The following MNAT1 variants were observed in gnomAD, a reference collection of about 807,000 sequenced individuals.
The protein encoded by MNAT1 is CDK-activating kinase assembly factor MAT1.
MNAT1 carries 43 observed loss-of-function variants against 42.0 expected under a neutral mutation model. The observed-to-expected ratio is 1.02, with a 90% CI of 0.80 to 1.32. The LOEUF is 1.32. Ranked by LOEUF, MNAT1 falls within the 40% of genes most tolerant of loss-of-function variation. MNAT1 has a pLI of 0.00. For synonymous variants in MNAT1, 118 were observed against 120.0 expected (o/e 0.98, Z 0.11); for missense variants, 306 against 350.4 (o/e 0.87, Z 1.01).
chr14:60,875,904 G>T (rs2139457349), intron 6 of MNAT1, among the ~76,000 whole-genome samples: 1 of 152,156 alleles, frequency 6.6e-6, no homozygotes. Flanking sequence ...TCTGGACCTT[G>T]CTGTCTAATT....
intron 6 of MNAT1, among the ~76,000 whole-genome samples, chr14:60,845,114 G>A (rs1232007545): frequency 1.3e-5 from 2 of 151,870 alleles, no homozygotes; most frequent in East Asian, 1.9e-4. Context: ...AGTAATGCTA[G>A]CAATGGTTTT....
intron 1 of MNAT1, among the ~76,000 whole-genome samples, chr14:60,755,152 C>T (rs1316754432): frequency 6.6e-6 from 1 of 151,926 alleles, no homozygotes; most frequent in Non-Finnish European, 1.5e-5. Context: ...GTGTGTGCCA[C>T]CATGCCTACC....
chr14:60,895,501 T>C (rs2034935124), intron 7 of MNAT1, among the ~76,000 whole-genome samples: 1 of 152,210 alleles, frequency 6.6e-6, no homozygotes, highest in African/African-American at 2.4e-5. Flanking sequence ...TTTACAATGG[T>C]CTTTCCCCCA....
Position 60,855,902 on chromosome 14 carries a change from G to A in MNAT1, c.688-23812G>A, listed in dbSNP as rs570637863. Among the ~76,000 whole-genome samples the A allele has an allele frequency of 3.3e-5, 5 of 152,236 alleles. No homozygotes were observed. The South Asian group carries it at 8.3e-4, about 25-fold the overall frequency. On this transcript the variant is annotated intron_variant, in intron 6 of 7. Transcript: ENST00000261245. ...AGGAAACTTAATCGATAAATGTTGC[G>A]TGTGTTCTACTCCACCAATTGCCCC...
chr14:60,947,361 A>G (rs2036298612), intron 7 of MNAT1, among the ~76,000 whole-genome samples: 1 of 152,114 alleles, frequency 6.6e-6, no homozygotes, highest in African/African-American at 2.4e-5. Context: ...TCAGAACCCA[A>G]GGGCTCTGAG....
chr14:60,827,037 TG>T (rs2033076501), intron 6 of MNAT1, among the ~76,000 whole-genome samples: 1 of 152,208 alleles, frequency 6.6e-6, no homozygotes, highest in Non-Finnish European at 1.5e-5. Flanking sequence ...CATTCTATTT[TG>T]CTTGTTTGCA....
At chr14:60,867,807 G>C (rs996252786) in intron 6 of MNAT1, among the ~76,000 whole-genome samples, 2 of 152,208 alleles carry the variant, frequency 1.3e-5, no homozygotes, top group East Asian at 1.9e-4. Context: ...CTAGTTTAGA[G>C]ACAGTGCCAG....
chr14:60,813,777 T>C (rs916089928), intron 5 of MNAT1, among the ~76,000 whole-genome samples: 2 of 152,218 alleles, frequency 1.3e-5, no homozygotes, highest in Non-Finnish European at 2.9e-5. Context: ...ATTTTCATAT[T>C]GTAGTTTGTC....
chr14:60,873,415 T>C (rs2034371299), intron 6 of MNAT1, among the ~76,000 whole-genome samples: 3 of 152,150 alleles, frequency 2.0e-5, no homozygotes, highest in African/African-American at 7.2e-5. Flanking sequence ...AATAATTTCA[T>C]CACCTAGGGA....
Position 60,879,804 on chromosome 14 carries a change from G to C in MNAT1, c.778G>C (p.Val260Leu). The C allele has an allele frequency of 1.9e-6, 3 of 1,613,148 alleles. No homozygotes were observed. In the Middle Eastern group the frequency reaches 5.0e-4, roughly 267 times the overall value. Residue 260 changes from valine to leucine, a missense_variant, in exon 7 of 8, where the codon GTT becomes CTT. Physicochemically the swap from Val to Leu is conservative, Grantham distance 32. Around this residue, in one of 3 missense-constraint regions of MNAT1, gnomAD observed 116 missense variants for 139.6 expected, o/e 0.83. Coordinates refer to ENST00000261245, the MANE Select transcript of MNAT1 (RefSeq NM_002431.4). ...GCAGATAGAGACATATGGACCACAT[G>C]TTCCTGAGCTTGAGATGCTAGGAAG... ...PLQIETYGPH[V>L]PELEMLGRLG...
chr14:60,805,072 A>G (rs1036691070), intron 3 of MNAT1, among the ~76,000 whole-genome samples: 11 of 152,162 alleles, frequency 7.2e-5, no homozygotes, highest in African/African-American at 2.2e-4. Flanking sequence ...CTCCTTTGCC[A>G]TGTTCAAATC....
chr14:60,887,395 C>G (rs1476770947), intron 7 of MNAT1, among the ~76,000 whole-genome samples: 1 of 117,170 alleles, frequency 8.5e-6, no homozygotes, highest in Non-Finnish European at 1.7e-5. Context: ...CCCCCTCCCC[C>G]CACCCCACAA....
intron 7 of MNAT1, among the ~76,000 whole-genome samples, chr14:60,900,174 A>G (rs2035045590): frequency 6.6e-6 from 1 of 151,994 alleles, no homozygotes; most frequent in African/African-American, 2.4e-5. Context: ...TTCAAGTGAG[A>G]GGAAGGGTCA....
At position 60,734,809 on chromosome 14, in the gene MNAT1, A is replaced by G; in HGVS notation, c.-54A>G. 6.4e-7 allele frequency: 1 copy of G among 1,554,150 alleles called. No individual in the cohort carries two copies. Among genetic ancestry groups the G allele is most frequent in the South Asian group, 1.1e-5 (1 of 89,568 alleles). ...CTTGGTCGCGTCTGAGGGGGCTTGT[A>G]GGTGGCTCTGGCTGAAACAGGCGCC... is the stretch of plus-strand genomic sequence containing the variant. On this transcript the variant is annotated 5_prime_UTR_variant, in exon 1 of 8. Transcript: ENST00000261245. The surrounding 1 kb of genome is among the most constrained non-coding windows in gnomAD (Gnocchi z 4.3).
At chr14:60,880,699 T>A (rs1476865530) in intron 7 of MNAT1, among the ~76,000 whole-genome samples, 1 of 152,136 alleles carries the variant, frequency 6.6e-6, no homozygotes, top group Non-Finnish European at 1.5e-5. Flanking sequence ...ATCTGGAACA[T>A]GTTGCATAAT....
At chr14:60,914,939 A>G (rs1181263980) in intron 7 of MNAT1, among the ~76,000 whole-genome samples, 1 of 152,254 alleles carries the variant, frequency 6.6e-6, no homozygotes, top group African/African-American at 2.4e-5. Flanking sequence ...GAAAATTACC[A>G]ATAAGATGGC....
intron 7 of MNAT1, among the ~76,000 whole-genome samples, chr14:60,956,456 A>G (rs1328286370): frequency 1.3e-5 from 2 of 152,170 alleles, no homozygotes; most frequent in Admixed American, 6.6e-5. Flanking sequence ...TTTGCACTCA[A>G]GAAGAATGTG....
chr14:60,792,024 T>A (rs572557081), intron 1 of MNAT1, among the ~76,000 whole-genome samples: 62 of 152,300 alleles, frequency 4.1e-4, no homozygotes, highest in African/African-American at 1.5e-3. Flanking sequence ...CCATCACATA[T>A]AAATAGTTTA....
chr14:60,760,862 T>G (rs2030570071), intron 1 of MNAT1, among the ~76,000 whole-genome samples: 1 of 152,192 alleles, frequency 6.6e-6, no homozygotes, highest in South Asian at 2.1e-4. Flanking sequence ...AGTCAGTCTT[T>G]TGTGTTCTTA....
Sources: allele counts gnomAD v4.1 joint callset (sites outside exome capture counted in the v4.1 genomes callset), GRCh38; gene constraint gnomAD v4.1.1; regional missense constraint gnomAD v4.1.1; non-coding constraint Gnocchi (gnomAD v3.1); transcripts MANE v1.5; gene names NCBI Gene and HGNC (gene_info 2026-07-23, HGNC 2026-07-21).